The following GRM8 variants were observed in gnomAD, a reference collection of about 807,000 sequenced individuals.
The protein encoded by GRM8 is metabotropic glutamate receptor 8.
In GRM8, 47 loss-of-function variants were observed where a neutral mutation model predicts 87.2. The observed-to-expected ratio is 0.54, with a 90% confidence interval of 0.43 to 0.69. The LOEUF is 0.69. GRM8 is among the 30% of genes least tolerant of loss of function. GRM8 has a pLI of 0.00. For synonymous variants in GRM8, 396 were observed against 404.5 expected, an observed-to-expected ratio of 0.98 and a Z score of 0.25; for missense variants, 1,019 against 1,139.2, an observed-to-expected ratio of 0.89 and a Z score of 1.52.
At chr7:126,761,797 CTAT>C (rs972507570) in intron 7 of GRM8, among the ~76,000 whole-genome samples, 2 of 152,178 alleles carry the variant, frequency 1.3e-5, no homozygotes, top group African/African-American at 2.4e-5. Context: ...TGTCTTCAAG[CTAT>C]TATTAAACTG....
Position 127,035,395 on chromosome 7 carries a change from T to C in GRM8, c.727+71101A>G, listed in dbSNP as rs1394293272. Among the ~76,000 whole-genome samples the C allele has an allele frequency of 2.0e-5, 3 of 152,170 alleles. No homozygotes were observed. The East Asian group carries it at 5.8e-4, about 29-fold the overall frequency. ...CTCAGGCCTGTGTAGTTTGCATAAA[T>C]TAACCAAGTGATTGATTGACTGGCT... On this transcript the variant is annotated intron_variant, in intron 3 of 10. Transcript: ENST00000339582.
rs569579500 is a variant in GRM8 at position 126,461,140 on chromosome 7, A to G, written c.2431-14768T>C. Among the ~76,000 whole-genome samples, 6 of 151,590 alleles carry G rather than the reference A, an allele frequency of 4.0e-5. No homozygotes were observed. In the South Asian group the frequency reaches 1.2e-3, roughly 31 times the overall value. ...GGTCCTGAATAGTCCTTAGGTCATT[A>G]GCAGTCTGACTGAGTCTTCTCTTAC... is the stretch of plus-strand genomic sequence containing the variant. On this transcript the variant is annotated intron_variant, in intron 9 of 10. Coordinates refer to ENST00000339582, the MANE Select transcript of GRM8 (RefSeq NM_000845.3).
intron 8 of GRM8, among the ~76,000 whole-genome samples, chr7:126,555,080 A>T (rs968675008): frequency 5.3e-5 from 8 of 152,206 alleles, no homozygotes; most frequent in Admixed American, 2.6e-4. Flanking sequence ...AGAAACACTT[A>T]AAAACAAAAC....
chr7:126,914,633 C>T (rs1268341168), intron 3 of GRM8, among the ~76,000 whole-genome samples: 1 of 152,196 alleles, frequency 6.6e-6, no homozygotes, highest in Non-Finnish European at 1.5e-5. Flanking sequence ...ATGGATGCAG[C>T]TAGAGGCCAT....
chr7:126,838,498 C>A (rs1795997893), intron 6 of GRM8, among the ~76,000 whole-genome samples: 1 of 152,178 alleles, frequency 6.6e-6, no homozygotes, highest in Non-Finnish European at 1.5e-5. Flanking sequence ...TAACCTTCCC[C>A]ACCTACTATT....
At chr7:126,659,239 A>C (rs1033906422) in intron 7 of GRM8, among the ~76,000 whole-genome samples, 2 of 152,120 alleles carry the variant, frequency 1.3e-5, no homozygotes, top group Non-Finnish European at 2.9e-5. Flanking sequence ...GATCTCCTAC[A>C]ATCTCCAAAA....
intron 3 of GRM8, among the ~76,000 whole-genome samples, chr7:127,094,512 A>T (rs1323833575): frequency 1.3e-5 from 2 of 152,242 alleles, no homozygotes; most frequent in African/African-American, 4.8e-5. Context: ...AGAGGAAAGC[A>T]GAGATTGAAG....
At chr7:127,091,656 C>A (rs1225854801) in intron 3 of GRM8, among the ~76,000 whole-genome samples, 2 of 134,222 alleles carry the variant, frequency 1.5e-5, no homozygotes, top group African/African-American at 5.7e-5. Context: ...ATGACCCACC[C>A]CACCATCCCA....
At chr7:126,760,934 C>T (rs552211634) in intron 7 of GRM8, among the ~76,000 whole-genome samples, 79 of 152,208 alleles carry the variant, frequency 5.2e-4, no homozygotes, top group African/African-American at 1.5e-3. Flanking sequence ...CGATGATTCA[C>T]GCCTGCAATC....
intron 8 of GRM8, among the ~76,000 whole-genome samples, chr7:126,569,875 A>G (rs932195090): frequency 6.6e-6 from 1 of 152,164 alleles, no homozygotes; most frequent in African/African-American, 2.4e-5. Flanking sequence ...AAACAATATC[A>G]TTCTTAGACA....
intron 9 of GRM8, among the ~76,000 whole-genome samples, chr7:126,452,531 A>G (rs1802738642): frequency 6.6e-6 from 1 of 151,574 alleles, no homozygotes; most frequent in Non-Finnish European, 1.5e-5. Context: ...GGTTTTAAGG[A>G]ATATAACTCA....
chr7:127,091,218 C>T (rs1178344904), intron 3 of GRM8, among the ~76,000 whole-genome samples: 1 of 151,978 alleles, frequency 6.6e-6, no homozygotes, highest in Non-Finnish European at 1.5e-5. Flanking sequence ...GAATGTGGCC[C>T]CCTTATTAGC....
At chr7:126,657,401 TAGC>T (rs1334055002) in intron 7 of GRM8, among the ~76,000 whole-genome samples, 2 of 152,172 alleles carry the variant, frequency 1.3e-5, no homozygotes, top group Non-Finnish European at 2.9e-5. Flanking sequence ...CATATTTTCT[TAGC>T]AGTAAAAACA....
At chr7:127,231,710 C>G (rs1797693636) in intron 2 of GRM8, among the ~76,000 whole-genome samples, 1 of 152,136 alleles carries the variant, frequency 6.6e-6, no homozygotes, top group Non-Finnish European at 1.5e-5. Flanking sequence ...GCCTGTGTTT[C>G]TGTCCTTACC....
Position 126,644,147 on chromosome 7 carries a change from T to A in GRM8, c.1358-34649A>T, listed in dbSNP as rs141528012. On this transcript the variant is annotated intron_variant, in intron 7 of 10. Transcript: ENST00000339582. ...TGTGATTCCAAAATTTGTCCTTCAG[T>A]GCTAACTGTGAATCAATCAGTCCAA... 7.9e-5 allele frequency among the ~76,000 whole-genome samples: 12 copies of A among 152,342 alleles called. No homozygotes were observed. In the East Asian group the frequency reaches 2.3e-3, roughly 29 times the overall value.
intron 6 of GRM8, among the ~76,000 whole-genome samples, chr7:126,845,288 G>A (rs575948210): frequency 1.3e-5 from 2 of 152,272 alleles, no homozygotes; most frequent in South Asian, 4.1e-4. Context: ...AATAGTTCAC[G>A]AAATCCCTTC....
At chr7:126,986,399 G>A (rs1812074507) in intron 3 of GRM8, among the ~76,000 whole-genome samples, 1 of 152,026 alleles carries the variant, frequency 6.6e-6, no homozygotes, top group East Asian at 1.9e-4. Context: ...ATTTTATTAT[G>A]GTTGAATTAA....
Position 126,867,550 on chromosome 7 carries a change from A to C in GRM8, c.1156+34992T>G, listed in dbSNP as rs2130869250. 2.0e-5 allele frequency among the ~76,000 whole-genome samples: 3 copies of C among 152,350 alleles called. No homozygotes were observed. The South Asian group carries it at 6.2e-4, about 32-fold the overall frequency. Reference sequence around the variant, plus strand: ...GCTTTATAACATGGTAAATCCCAGTAAGTAATTCTTGTCTGCATTTCTTTC... The same window carrying C: ...GCTTTATAACATGGTAAATCCCAGTCAGTAATTCTTGTCTGCATTTCTTTC... On this transcript the variant is annotated intron_variant, in intron 6 of 10. Coordinates refer to ENST00000339582, the MANE Select transcript of GRM8 (RefSeq NM_000845.3).
chr7:127,191,341 A>G (rs770422838), intron 2 of GRM8, among the ~76,000 whole-genome samples: 1 of 152,150 alleles, frequency 6.6e-6, no homozygotes, highest in Non-Finnish European at 1.5e-5. Context: ...AACTACCTAC[A>G]TTGTTTTTAT....
Sources: allele counts gnomAD v4.1 joint callset (sites outside exome capture counted in the v4.1 genomes callset), GRCh38; gene constraint gnomAD v4.1.1; transcripts MANE v1.5; gene names NCBI Gene and HGNC (gene_info 2026-07-23, HGNC 2026-07-21).